VRK2: variants seen among roughly 807,000 people sequenced by gnomAD.
VRK2 encodes serine/threonine-protein kinase VRK2.
Under a neutral mutation model 57.6 loss-of-function variants are expected in VRK2, and 60 were observed. That is an observed-to-expected ratio of 1.04 (90% CI 0.85 to 1.29). The LOEUF (loss-of-function observed/expected upper bound fraction) is 1.29, where lower values mean the gene tolerates loss of function less well. Among genes scored for constraint, VRK2 ranks in the 50% most tolerant of loss-of-function variants. VRK2 has a pLI of 0.00. For synonymous variants in VRK2, 231 were observed against 199.2 expected (o/e 1.16, Z -1.35); for missense variants, 705 against 588.1 (o/e 1.20, Z -2.06).
At chr2:58,139,055 C>G (rs1680943940) in intron 10 of VRK2, among the ~76,000 whole-genome samples, 1 of 152,120 alleles carries the variant, frequency 6.6e-6, no homozygotes, top group Admixed American at 6.6e-5. Flanking sequence ...AAGATGGCAA[C>G]TCCTCCTCCC....
At chr2:57,962,910 T>C (rs1036483488) in intron 1 of VRK2, among the ~76,000 whole-genome samples, 18 of 152,082 alleles carry the variant, frequency 1.2e-4, no homozygotes, top group African/African-American at 3.9e-4. Flanking sequence ...TTCAACAAAA[T>C]GGTGGAAAAT....
Position 58,048,927 on chromosome 2 carries a change from C to CAAGAAGATT in VRK2, c.97_105dup (p.Lys33_Ile35dup). ...TGGAAGGCAATCAGTGGGTACTGGGCAAGAAGATTGGCTCTGGAGGATTTG... is the reference window on the plus strand; with the variant it reads ...TGGAAGGCAATCAGTGGGTACTGGGCAAGAAGATTAAGAAGATTGGCTCTGGAGGATTTG... On this transcript the variant is annotated inframe_insertion, in exon 2 of 13. Transcript: ENST00000340157. 1 of 1,613,864 alleles carries CAAGAAGATT rather than the reference C, an allele frequency of 6.2e-7. No homozygotes were observed. The highest frequency in any genetic ancestry group is 1.1e-5 in the South Asian group (1 of 91,062).
At position 58,146,436 on chromosome 2, in the gene VRK2, G is replaced by T. The variant is rs1429658189; in HGVS notation, c.1144G>T (p.Glu382Ter). Residue 382 changes from glutamate to a stop codon, truncating the protein, a stop_gained, in exon 12 of 13, where the codon GAG becomes TAG. Coordinates refer to ENST00000340157, the MANE Select transcript of VRK2 (RefSeq NM_006296.7). LOFTEE classifies it low-confidence loss of function (END_TRUNC). ...SCATWKVQKE[E>*]KLIGLMNNEA... ...TGCAACATGGAAAGTGCAGAAAGAGGAGAAACTGATTGGATTGATGAACAA... is the reference window on the plus strand; with the variant it reads ...TGCAACATGGAAAGTGCAGAAAGAGTAGAAACTGATTGGATTGATGAACAA... The T allele has an allele frequency of 6.2e-7, 1 of 1,611,428 alleles. No individual in the cohort carries two copies. Among genetic ancestry groups the T allele is most frequent in the African/African-American group, 1.3e-5 (1 of 74,868 alleles).
At chr2:58,030,743 G>A (rs1674087058) in intron 2 of VRK2, among the ~76,000 whole-genome samples, 1 of 152,168 alleles carries the variant, frequency 6.6e-6, no homozygotes, top group Non-Finnish European at 1.5e-5. Context: ...TTACAAGCAA[G>A]TAATAGCATG....
intron 1 of VRK2, among the ~76,000 whole-genome samples, chr2:58,013,323 C>T (rs1282622241): frequency 6.6e-6 from 1 of 152,190 alleles, no homozygotes; most frequent in East Asian, 1.9e-4. Flanking sequence ...GTTATTTACA[C>T]ATCTACTAAT....
upstream of VRK2, among the ~76,000 whole-genome samples, chr2:58,045,904 C>T (rs1674705625): frequency 6.6e-6 from 1 of 152,150 alleles, no homozygotes; most frequent in Non-Finnish European, 1.5e-5. Context: ...GGTGCAGTGG[C>T]GCGCTCTCTG....
intron 1 of VRK2, among the ~76,000 whole-genome samples, chr2:58,017,508 G>T (rs1435611873): frequency 6.6e-6 from 1 of 152,134 alleles, no homozygotes; most frequent in African/African-American, 2.4e-5. Flanking sequence ...TTTCTCCGCT[G>T]GGGCCTCTTC....
intron 7 of VRK2, among the ~76,000 whole-genome samples, chr2:58,119,341 T>TA (rs1279833549): frequency 8.8e-5 from 9 of 102,020 alleles, no homozygotes; most frequent in Admixed American, 3.9e-4. Flanking sequence ...CTACTAAAAA[T>TA]ACAAAAAAAA....
At chr2:58,002,260 C>T (rs1215814851) in intron 1 of VRK2, among the ~76,000 whole-genome samples, 3 of 152,090 alleles carry the variant, frequency 2.0e-5, no homozygotes, top group East Asian at 1.9e-4. Flanking sequence ...GCGGATCACC[C>T]GATGTCAGGA....
intron 2 of VRK2, among the ~76,000 whole-genome samples, chr2:58,083,559 G>T (rs72810337): frequency 0.087 from 13,209 of 151,740 alleles, 657 homozygotes; most frequent in East Asian, 0.16. Flanking sequence ...AATTTTTAAA[G>T]ACTTTATTCT....
chr2:57,945,460 A>G (rs1394727753), intron 1 of VRK2, among the ~76,000 whole-genome samples: 3 of 152,190 alleles, frequency 2.0e-5, no homozygotes, highest in Non-Finnish European at 4.4e-5. Context: ...AAAGCAGAGC[A>G]TAATTGTTGT....
intron 12 of VRK2, among the ~76,000 whole-genome samples, chr2:58,155,917 G>GGT (rs1553430219): frequency 4.2e-4 from 56 of 134,432 alleles, no homozygotes; most frequent in African/African-American, 1.4e-3. Flanking sequence ...TGTTTTTCAT[G>GGT]TTTGTTTTTT....
intron 7 of VRK2, among the ~76,000 whole-genome samples, chr2:58,090,416 A>C (rs2104234781): frequency 6.6e-6 from 1 of 152,174 alleles, no homozygotes; most frequent in South Asian, 2.1e-4. Context: ...AAAAAAAAAA[A>C]AAAAAGTTTT....
chr2:58,130,596 T>C (rs1301860997), intron 8 of VRK2, among the ~76,000 whole-genome samples: 1 of 152,208 alleles, frequency 6.6e-6, no homozygotes, highest in Non-Finnish European at 1.5e-5. Flanking sequence ...CCAAAAGTAG[T>C]TACGATGTGT....
At chr2:57,961,242 C>T (rs532645424) in intron 1 of VRK2, among the ~76,000 whole-genome samples, 2 of 152,126 alleles carry the variant, frequency 1.3e-5, no homozygotes, top group South Asian at 2.1e-4. Context: ...TGAAGAAAAT[C>T]GGAAAGAGAA....
intron 1 of VRK2, among the ~76,000 whole-genome samples, chr2:57,958,491 T>C (rs1396997287): frequency 6.6e-6 from 1 of 151,680 alleles, no homozygotes; most frequent in Non-Finnish European, 1.5e-5. Context: ...ATATATCATA[T>C]ATGTGTCATA....
At chr2:58,106,981 A>T (rs181355915) in intron 7 of VRK2, among the ~76,000 whole-genome samples, 2 of 152,212 alleles carry the variant, frequency 1.3e-5, no homozygotes, top group Admixed American at 1.3e-4. Context: ...AAAGTACTGT[A>T]TGATAATACA....
intron 1 of VRK2, among the ~76,000 whole-genome samples, chr2:57,930,690 G>A (rs910056292): frequency 1.3e-5 from 2 of 152,150 alleles, no homozygotes; most frequent in Non-Finnish European, 2.9e-5. Flanking sequence ...TCTTTGGAAT[G>A]TATTCATCTT....
upstream of VRK2, among the ~76,000 whole-genome samples, chr2:58,045,478 T>C (rs930184259): frequency 5.9e-5 from 9 of 152,220 alleles, no homozygotes; most frequent in Admixed American, 3.3e-4. Context: ...TTATTATGCA[T>C]CTGTTACATA....
Sources: allele counts gnomAD v4.1 joint callset (sites outside exome capture counted in the v4.1 genomes callset), GRCh38; gene constraint gnomAD v4.1.1; transcripts MANE v1.5; gene names NCBI Gene and HGNC (gene_info 2026-07-23, HGNC 2026-07-21).